Variants in NCOA1 observed in about 807,000 individuals in gnomAD.
NCOA1 encodes Hin-2 protein.
In NCOA1, 35 loss-of-function variants were observed where a neutral mutation model predicts 150.9. The observed-to-expected ratio is 0.23, with a 90% CI of 0.18 to 0.31. NCOA1 has a LOEUF of 0.31. NCOA1 is among the 10% of genes least tolerant of loss of function. The probability of loss-of-function intolerance (pLI) is 1.00; values close to 1 mark genes in which losing one functional copy is unlikely to be tolerated. For missense variants in NCOA1, 1,491 were observed against 1,749.3 expected (o/e 0.85, Z 2.63); for synonymous variants, 590 against 630.0 (o/e 0.94, Z 0.95).
chr2:24,729,876 C>T (rs1453051428), intron 17 of NCOA1, 61 bp downstream of exon 17: 5 of 1,500,584 alleles, frequency 3.3e-6, no homozygotes, highest in Non-Finnish European at 4.5e-6. Flanking sequence ...TCTCACCTGT[C>T]ACCAGGCTAG....
intron 13 of NCOA1, among the ~76,000 whole-genome samples, chr2:24,708,166 C>T (rs2148597354): frequency 6.6e-6 from 1 of 152,068 alleles, no homozygotes; most frequent in Non-Finnish European, 1.5e-5. Context: ...TTTAAAATAC[C>T]TTCCCTGCCC....
At chr2:24,724,078 G>GT (rs1409638765) in intron 14 of NCOA1, among the ~76,000 whole-genome samples, 1 of 144,742 alleles carries the variant, frequency 6.9e-6, no homozygotes, top group Admixed American at 6.8e-5. Context: ...TTTTTTGTTT[G>GT]TTTTTTGTTT....
intron 5 of NCOA1, 51 bp downstream of exon 5, chr2:24,658,817 C>G: frequency 2.7e-6 from 4 of 1,504,452 alleles, no homozygotes; most frequent in Non-Finnish European, 3.7e-6. Flanking sequence ...TTATTACTTT[C>G]ACTGCCACTT....
At chr2:24,654,839 C>G (rs551202238) in intron 4 of NCOA1, among the ~76,000 whole-genome samples, 1 of 152,074 alleles carries the variant, frequency 6.6e-6, no homozygotes, top group East Asian at 1.9e-4. Context: ...CTTCTACCTC[C>G]CCTTGCCAGA....
At chr2:24,695,669 A>T (rs929338110) in intron 10 of NCOA1, among the ~76,000 whole-genome samples, 5 of 152,168 alleles carry the variant, frequency 3.3e-5, no homozygotes, top group Non-Finnish European at 7.4e-5. Flanking sequence ...AAAAGAAAAA[A>T]GTATTTTACT....
chr2:24,704,239 A>G (rs927875887), intron 11 of NCOA1, among the ~76,000 whole-genome samples: 16 of 152,212 alleles, frequency 1.1e-4, no homozygotes, highest in African/African-American at 3.6e-4. Flanking sequence ...GACCTTAGTG[A>G]TTCACATTCC....
rs183241666 is a variant in NCOA1, at chr2:24,530,984, A to G, written c.-395-33311A>G. ...AGCATTCTGAGTGTTAAAGTGCAAG[A>G]TTACCTAGAGTGGCTGTGGTGGACT... On this transcript the variant is annotated intron_variant, in intron 1 of 22. Transcript: ENST00000348332. 3.5e-4 allele frequency among the ~76,000 whole-genome samples: 54 copies of G among 152,296 alleles called. No individual in the cohort carries two copies. In the East Asian group the frequency reaches 5.8e-3, roughly 16 times the overall value.
intron 3 of NCOA1, among the ~76,000 whole-genome samples, chr2:24,599,834 G>T (rs1354468136): frequency 6.7e-6 from 1 of 149,360 alleles, no homozygotes; most frequent in Admixed American, 6.8e-5. Context: ...TGTTTTAAGC[G>T]ATTCTCGTGC....
intron 22 of NCOA1, 197 bp from the exon 23 acceptor site, chr2:24,768,024 G>C (rs569925693): frequency 7.0e-6 from 11 of 1,577,482 alleles, no homozygotes; most frequent in Non-Finnish European, 9.6e-6. Flanking sequence ...TATTTTTAAA[G>C]TGTGAACTTT....
chr2:24,745,154 TTTC>T (rs1663831730), intron 19 of NCOA1, among the ~76,000 whole-genome samples: 1 of 149,956 alleles, frequency 6.7e-6, no homozygotes, highest in Admixed American at 6.6e-5. Flanking sequence ...TGTTTTCTTT[TTTC>T]TTTTTTTTTT....
chr2:24,533,005 T>C (rs1375398958), intron 1 of NCOA1, among the ~76,000 whole-genome samples: 1 of 152,230 alleles, frequency 6.6e-6, no homozygotes, highest in African/African-American at 2.4e-5. Flanking sequence ...ATTGGTAGCT[T>C]GATGGGGATG....
At chr2:24,580,773 A>C (rs1189900627) in intron 2 of NCOA1, among the ~76,000 whole-genome samples, 1 of 152,094 alleles carries the variant, frequency 6.6e-6, no homozygotes, top group Non-Finnish European at 1.5e-5. Context: ...CACCTCCATC[A>C]TCTTGGTATT....
chr2:24,618,460 C>A (rs184326166), intron 3 of NCOA1, among the ~76,000 whole-genome samples: 26 of 152,142 alleles, frequency 1.7e-4, no homozygotes, highest in African/African-American at 6.0e-4. Context: ...AACTAGTTTA[C>A]CATCTGGTCT....
intron 21 of NCOA1, 80 bp from the exon 22 acceptor site, chr2:24,762,607 G>A: frequency 1.6e-6 from 2 of 1,225,774 alleles, no homozygotes; most frequent in Non-Finnish European, 2.4e-6. Flanking sequence ...TTCTGTCAGT[G>A]AGATTGTTTT....
At chr2:24,728,217 A>G in intron 15 of NCOA1, 91 bp from the exon 16 acceptor site, 3 of 1,181,248 alleles carry the variant, frequency 2.5e-6, no homozygotes, top group Non-Finnish European at 3.4e-6. Flanking sequence ...TGAATTTTCT[A>G]AGACCAAATT....
intron 17 of NCOA1, among the ~76,000 whole-genome samples, chr2:24,731,175 C>CTTTTTTATAAATA (rs1662992780): frequency 6.6e-6 from 1 of 151,904 alleles, no homozygotes; most frequent in Non-Finnish European, 1.5e-5. Context: ...TAAAGAGGTT[C>CTTTTTTATAAATA]CCTGGAGACT....
intron 6 of NCOA1, among the ~76,000 whole-genome samples, chr2:24,667,578 A>G (rs541277674): frequency 1.3e-5 from 2 of 152,338 alleles, no homozygotes; most frequent in East Asian, 3.8e-4. Context: ...GACATGAGGG[A>G]AGGTATTTCA....
At chr2:24,711,730 A>G (rs1673758367) in intron 14 of NCOA1, among the ~76,000 whole-genome samples, 1 of 152,262 alleles carries the variant, frequency 6.6e-6, no homozygotes, top group Admixed American at 6.5e-5. Context: ...AACCCAAGTT[A>G]GCATTTTCCT....
intron 2 of NCOA1, among the ~76,000 whole-genome samples, chr2:24,582,279 T>A (rs1667222663): frequency 6.6e-6 from 1 of 152,002 alleles, no homozygotes; most frequent in Admixed American, 6.6e-5. Flanking sequence ...GGATACAAAA[T>A]CAACATACAA....
Sources: allele counts gnomAD v4.1 joint callset (sites outside exome capture counted in the v4.1 genomes callset), GRCh38; gene constraint gnomAD v4.1.1; transcripts MANE v1.5; gene names NCBI Gene and HGNC (gene_info 2026-07-23, HGNC 2026-07-21).